CCDC175: variants seen among roughly 807,000 people sequenced by gnomAD.
CCDC175 encodes the protein coiled-coil domain-containing protein 175.
CCDC175 carries 100 observed loss-of-function variants against 114.6 expected under a neutral mutation model. The observed-to-expected ratio is 0.87, with a 90% CI of 0.74 to 1.03. The LOEUF is 1.03. CCDC175 is among the 50% of genes least tolerant of loss of function. The pLI is 0.00. For synonymous variants in CCDC175, 306 were observed against 308.7 expected, an observed-to-expected ratio of 0.99 and a Z score of 0.09; for missense variants, 880 against 917.8, an observed-to-expected ratio of 0.96 and a Z score of 0.53.
At chr14:59,528,294 C>T (rs1893866586) in intron 14 of CCDC175, among the ~76,000 whole-genome samples, 1 of 151,812 alleles carries the variant, frequency 6.6e-6, no homozygotes, top group African/African-American at 2.4e-5. Context: ...TCCATTTTTC[C>T]TTCTGAAATT....
intron 6 of CCDC175, among the ~76,000 whole-genome samples, chr14:59,562,688 C>A (rs573374672): frequency 2.8e-4 from 43 of 152,232 alleles, no homozygotes; most frequent in African/African-American, 1.0e-3. Flanking sequence ...CTTCGGAGTA[C>A]AGGCTAAGGA....
chr14:59,555,243 G>A (rs902823203), intron 7 of CCDC175, among the ~76,000 whole-genome samples: 14 of 152,182 alleles, frequency 9.2e-5, no homozygotes, highest in Non-Finnish European at 1.5e-4. Flanking sequence ...GAATCCAGCA[G>A]CACATCAAAA....
At chr14:59,564,316 C>A (rs1363395143) in intron 5 of CCDC175, 1 of 152,746 alleles carries the variant, frequency 6.5e-6, no homozygotes, top group African/African-American at 2.4e-5. Context: ...TAAACAAAAT[C>A]ATCAAAGACA....
intron 7 of CCDC175, among the ~76,000 whole-genome samples, chr14:59,557,881 T>A (rs1252293543): frequency 6.6e-6 from 1 of 152,132 alleles, no homozygotes; most frequent in Non-Finnish European, 1.5e-5. Flanking sequence ...CCTACCCTCA[T>A]GAAAACTACA....
Position 59,527,124 on chromosome 14 carries a change from T to C in CCDC175, c.1813A>G (p.Arg605Gly). The C allele has an allele frequency of 6.7e-7, 1 of 1,495,434 alleles. No individual in the cohort carries two copies. The highest frequency in any genetic ancestry group is 8.9e-7 in the Non-Finnish European group (1 of 1,127,788). 92.6% of individuals were successfully genotyped at this position (1,495,434 alleles called of 1,614,324 possible). The change falls in exon 15 of 20, where the codon AGG becomes GGG. Residue 605 changes from arginine to glycine, a missense_variant. Transcript: ENST00000537690. ...TTGCTAATGTATCTTGAAAAGTCCCTTGTAAACAGAAAAATGTGATTGTTC... is the reference window on the plus strand; with the variant it reads ...TTGCTAATGTATCTTGAAAAGTCCCCTGTAAACAGAAAAATGTGATTGTTC... Reference protein sequence around the residue: ...LLNNHIFLFTRDFSRYISNME... With the variant: ...LLNNHIFLFTGDFSRYISNME...
chr14:59,535,485 T>C (rs1284180287), intron 13 of CCDC175, among the ~76,000 whole-genome samples: 1 of 152,238 alleles, frequency 6.6e-6, no homozygotes, highest in Non-Finnish European at 1.5e-5. Flanking sequence ...GTAGGCATGA[T>C]GGTAAAATTA....
Position 59,527,096 on chromosome 14 carries a change from A to T in CCDC175, c.1841T>A (p.Met614Lys). 1.4e-6 allele frequency: 2 copies of T among 1,404,340 alleles called. No homozygotes were observed. Among genetic ancestry groups the T allele is most frequent in the Non-Finnish European group, 1.9e-6 (2 of 1,059,942 alleles). The allele number at this position is 1,404,340 out of a possible 1,614,324, so 87.0% of individuals were successfully genotyped here. Reference protein sequence around the residue: ...TRDFSRYISNMEDVKQELQQL... With the variant: ...TRDFSRYISNKEDVKQELQQL... Reference sequence around the variant, plus strand: ...AGAATTAATGCATTGATCTTTTACCATGTTGCTAATGTATCTTGAAAAGTC... The same window carrying T: ...AGAATTAATGCATTGATCTTTTACCTTGTTGCTAATGTATCTTGAAAAGTC... The change falls in exon 15 of 20, where the codon ATG becomes AAG. Residue 614 changes from methionine to lysine, a missense_variant and splice_region_variant. Physicochemically the swap from Met to Lys is moderately conservative, Grantham distance 95. Coordinates refer to ENST00000537690, the MANE Select transcript of CCDC175 (RefSeq NM_001164399.2).
At chr14:59,555,878 G>T (rs896968066) in intron 7 of CCDC175, among the ~76,000 whole-genome samples, 23 of 152,080 alleles carry the variant, frequency 1.5e-4, no homozygotes, top group Non-Finnish European at 2.9e-4. Flanking sequence ...GCTTCAAAGA[G>T]AATAAAATAC....
chr14:59,510,897 AT>A (rs1416619280), intron 18 of CCDC175, 89 bp from the exon 19 acceptor site: 28 of 1,097,748 alleles, frequency 2.6e-5, no homozygotes, highest in East Asian at 1.8e-4. Context: ...CCAAAAAAAA[AT>A]ATTATATATG....
intron 14 of CCDC175, 68 bp from the exon 15 acceptor site, chr14:59,527,242 C>T (rs945659031): frequency 3.6e-6 from 3 of 831,804 alleles, no homozygotes; most frequent in Non-Finnish European, 5.3e-6. Flanking sequence ...AAAGAAGTAC[C>T]TAGTTTTAAA....
intron 10 of CCDC175, among the ~76,000 whole-genome samples, chr14:59,541,226 C>T (rs1894764505): frequency 6.6e-6 from 1 of 152,264 alleles, no homozygotes; most frequent in South Asian, 2.1e-4. Flanking sequence ...TGTTGAGGAA[C>T]TCCAGACCCT....
chr14:59,529,418 G>A (rs183858391), intron 14 of CCDC175, among the ~76,000 whole-genome samples: 1 of 152,288 alleles, frequency 6.6e-6, no homozygotes, highest in East Asian at 1.9e-4. Context: ...AAGGGGATTT[G>A]ACCTGGAGCT....
At chr14:59,514,910 CAG>C (rs1168244517) in intron 17 of CCDC175, among the ~76,000 whole-genome samples, 1 of 152,126 alleles carries the variant, frequency 6.6e-6, no homozygotes, top group African/African-American at 2.4e-5. Context: ...TAAGGGCAGC[CAG>C]AGAGAAAGGT....
intron 17 of CCDC175, among the ~76,000 whole-genome samples, chr14:59,519,324 A>T (rs1016641311): frequency 1.3e-5 from 2 of 152,238 alleles, no homozygotes; most frequent in Non-Finnish European, 2.9e-5. Flanking sequence ...AGTAATAAAA[A>T]AAAAGTTCAC....
intron 17 of CCDC175, among the ~76,000 whole-genome samples, chr14:59,517,247 G>T (rs1409742679): frequency 2.6e-5 from 4 of 152,074 alleles, no homozygotes; most frequent in Non-Finnish European, 5.9e-5. Context: ...GCATTCCCTT[G>T]GAAAACTGGT....
chr14:59,557,253 T>G (rs930178671), intron 7 of CCDC175, among the ~76,000 whole-genome samples: 1 of 152,058 alleles, frequency 6.6e-6, no homozygotes, highest in Non-Finnish European at 1.5e-5. Context: ...TAAGAAAATG[T>G]GGCACATATA....
At chr14:59,553,114 C>T (rs139993658) in intron 7 of CCDC175, among the ~76,000 whole-genome samples, 2,725 of 152,170 alleles carry the variant, frequency 0.018, 76 homozygotes, top group African/African-American at 0.06. Context: ...ATACAGAGAA[C>T]GCCACAAAGA....
chr14:59,507,191 T>G (rs1490325068), intron 19 of CCDC175, among the ~76,000 whole-genome samples: 3 of 152,208 alleles, frequency 2.0e-5, no homozygotes, highest in Non-Finnish European at 4.4e-5. Context: ...CCCCAGCAGA[T>G]CTCCACTCAG....
At chr14:59,564,728 G>A (rs745555369) in intron 5 of CCDC175, among the ~76,000 whole-genome samples, 1 of 152,188 alleles carries the variant, frequency 6.6e-6, no homozygotes, top group Non-Finnish European at 1.5e-5. Flanking sequence ...CACAGTCTCA[G>A]GGTTATCAAA....
Sources: gnomAD v4.1 joint callset for allele counts (sites outside exome capture counted in the v4.1 genomes callset) on GRCh38, gnomAD v4.1.1 for gene constraint, MANE v1.5 for transcripts, NCBI Gene and HGNC (gene_info 2026-07-23, HGNC 2026-07-21) for gene names.